The following CNTNAP2 variants were observed in gnomAD, a reference collection of about 807,000 sequenced individuals.
The protein encoded by CNTNAP2 is contactin-associated protein-like 2.
Under a neutral mutation model 155.2 loss-of-function variants are expected in CNTNAP2, and 98 were observed. The observed-to-expected ratio is 0.63, with a 90% CI of 0.54 to 0.75. The LOEUF is 0.75. CNTNAP2 is among the 30% of genes least tolerant of loss of function. The pLI, the probability that CNTNAP2 is intolerant of heterozygous loss-of-function variation, is 0.00. For missense variants in CNTNAP2, 1,727 were observed against 1,688.1 expected (o/e 1.02, Z -0.40); for synonymous variants, 651 against 631.2 (o/e 1.03, Z -0.47).
chr7:146,782,369 C>T (rs1338784253), intron 2 of CNTNAP2: 1 of 152,126 alleles, frequency 6.6e-6, no homozygotes, highest in Admixed American at 6.5e-5. Context: ...GCTGGTCATA[C>T]TTCTTCATCT....
chr7:147,925,752 C>T (rs528676223), intron 14 of CNTNAP2, among the ~76,000 whole-genome samples: 6 of 152,354 alleles, frequency 3.9e-5, no homozygotes, highest in South Asian at 2.1e-4. Flanking sequence ...TGAGCCACCA[C>T]GCCCGGCCAT....
intron 13 of CNTNAP2, among the ~76,000 whole-genome samples, chr7:147,642,011 CGTGT>C (rs3053478): frequency 2.0e-5 from 3 of 149,594 alleles, no homozygotes; most frequent in Non-Finnish European, 4.5e-5. Context: ...TGTGTGTGTG[CGTGT>C]GTGTGTGTGT....
intron 1 of CNTNAP2, among the ~76,000 whole-genome samples, chr7:146,284,891 C>T (rs1800302571): frequency 6.6e-6 from 1 of 152,146 alleles, no homozygotes; most frequent in Non-Finnish European, 1.5e-5. Flanking sequence ...TTCTCTGCTC[C>T]CTGCCTCCCA....
chr7:147,915,189 A>G (rs1426539630), intron 14 of CNTNAP2, among the ~76,000 whole-genome samples: 1 of 152,232 alleles, frequency 6.6e-6, no homozygotes, highest in Non-Finnish European at 1.5e-5. Flanking sequence ...ACAAAACCAA[A>G]CAAAGCATCT....
intron 1 of CNTNAP2, among the ~76,000 whole-genome samples, chr7:146,172,756 C>T (rs537981488): frequency 6.6e-6 from 1 of 152,288 alleles, no homozygotes; most frequent in Non-Finnish European, 1.5e-5. Context: ...TGAGTGGGCT[C>T]TTTCAGAATT....
At chr7:148,300,523 A>AT (rs796564497) in intron 21 of CNTNAP2, among the ~76,000 whole-genome samples, 5,784 of 142,198 alleles carry the variant, frequency 0.041, 177 homozygotes, top group African/African-American at 0.089. Context: ...AATCATAACA[A>AT]TTTTTTTTTT....
chr7:148,394,044 A>G (rs1303920446), intron 22 of CNTNAP2, among the ~76,000 whole-genome samples: 1 of 151,940 alleles, frequency 6.6e-6, no homozygotes, highest in Admixed American at 6.6e-5. Context: ...AAAGTTACTA[A>G]ATTTTACATG....
rs189434933 is a variant in CNTNAP2 at position 148,328,845 on chromosome 7, G to A, written c.3476-54804G>A. ...ACAAAAATTAGCCGGGCATGGTGGCGCACACCTGTAATCCCAGCTACTCAG... is the reference window on the plus strand; with the variant it reads ...ACAAAAATTAGCCGGGCATGGTGGCACACACCTGTAATCCCAGCTACTCAG... On this transcript the variant is annotated intron_variant, in intron 21 of 23. Transcript: ENST00000361727. 8.1e-4 allele frequency among the ~76,000 whole-genome samples: 123 copies of A among 151,824 alleles called. 1 individual carries two copies. The highest frequency in any genetic ancestry group is 2.8e-3 in the African/African-American group (117 of 41,392).
At chr7:147,679,078 A>G (rs1795911468) in intron 13 of CNTNAP2, among the ~76,000 whole-genome samples, 1 of 151,892 alleles carries the variant, frequency 6.6e-6, no homozygotes, top group Non-Finnish European at 1.5e-5. Flanking sequence ...ATTGTTAATG[A>G]AAGCATGTCA....
intron 13 of CNTNAP2, among the ~76,000 whole-genome samples, chr7:147,818,353 A>G (rs896479755): frequency 5.9e-5 from 9 of 152,180 alleles, no homozygotes; most frequent in African/African-American, 2.2e-4. Flanking sequence ...TTTATATGAA[A>G]TTTTACCCTA....
intron 1 of CNTNAP2, among the ~76,000 whole-genome samples, chr7:146,721,948 G>A (rs1311489146): frequency 7.1e-6 from 1 of 140,840 alleles, no homozygotes; most frequent in Non-Finnish European, 1.5e-5. Context: ...GAGTGCAGTG[G>A]CACGACTTCA....
At chr7:146,958,260 GA>G (rs1797477046) in intron 3 of CNTNAP2, among the ~76,000 whole-genome samples, 1 of 152,090 alleles carries the variant, frequency 6.6e-6, no homozygotes, top group African/African-American at 2.4e-5. Flanking sequence ...AACCTATCCA[GA>G]TGGAGGAAGG....
intron 17 of CNTNAP2, among the ~76,000 whole-genome samples, chr7:148,160,784 C>T (rs779614078): frequency 6.6e-6 from 1 of 151,944 alleles, no homozygotes; most frequent in Non-Finnish European, 1.5e-5. Flanking sequence ...TCTTACCTAC[C>T]CTGTTTAAAC....
At chr7:147,009,587 T>A (rs916478426) in intron 3 of CNTNAP2, among the ~76,000 whole-genome samples, 3 of 152,288 alleles carry the variant, frequency 2.0e-5, no homozygotes, top group African/African-American at 7.2e-5. Context: ...GCAATTCAAT[T>A]GAATGAAAGG....
chr7:147,753,721 C>T (rs1283898205), intron 13 of CNTNAP2, among the ~76,000 whole-genome samples: 6 of 152,086 alleles, frequency 3.9e-5, no homozygotes, highest in Admixed American at 6.5e-5. Context: ...AGATGAAGGT[C>T]GCACAATTCA....
intron 13 of CNTNAP2, among the ~76,000 whole-genome samples, chr7:147,786,010 G>A (rs987175912): frequency 6.6e-6 from 1 of 152,084 alleles, no homozygotes; most frequent in Admixed American, 6.5e-5. Flanking sequence ...AGAAAAGAAA[G>A]GCCAGGCACG....
chr7:148,244,566 G>GT lies in CNTNAP2; in HGVS notation c.3381+14800dup, dbSNP rs11343242. 3.1e-3 allele frequency among the ~76,000 whole-genome samples: 444 copies of GT among 142,048 alleles called. 1 individual carries two copies. The highest frequency in any genetic ancestry group is 8.6e-3 in the African/African-American group (333 of 38,850). The allele number at this position is 142,048 out of a possible 152,430, so 93.2% of individuals were successfully genotyped here. ...GGGGTTTTGTGTGTGTGTGTTTTGG[G>GT]TTTTTTTTTTTTTCAATACAGGGTT... On this transcript the variant is annotated intron_variant, in intron 20 of 23. Transcript: ENST00000361727.
Position 146,680,174 on chromosome 7 carries a change from A to G in CNTNAP2, c.98-94097A>G, listed in dbSNP as rs556818742. Among the ~76,000 whole-genome samples, 6 of 152,318 alleles carry G rather than the reference A, an allele frequency of 3.9e-5. No homozygotes were observed. In the East Asian group the frequency reaches 7.7e-4, roughly 20 times the overall value. On this transcript the variant is annotated intron_variant, in intron 1 of 23. Coordinates refer to ENST00000361727, the MANE Select transcript of CNTNAP2 (RefSeq NM_014141.6). ...TTTATACATGAGGACTTAAGGCTCA[A>G]TGAATTAGGTGATTTTGTCAAGGGC...
At chr7:147,426,075 A>G (rs901570214) in intron 10 of CNTNAP2, among the ~76,000 whole-genome samples, 1 of 152,124 alleles carries the variant, frequency 6.6e-6, no homozygotes, top group East Asian at 1.9e-4. Context: ...CTTGAGCAGA[A>G]TTCTATGCCT....
Sources: allele counts gnomAD v4.1 joint callset (sites outside exome capture counted in the v4.1 genomes callset), GRCh38; gene constraint gnomAD v4.1.1; transcripts MANE v1.5; gene names NCBI Gene and HGNC (gene_info 2026-07-23, HGNC 2026-07-21).